The following HINT3 variants were observed in gnomAD, a reference collection of about 807,000 sequenced individuals.
HINT3 encodes the protein adenosine 5'-monophosphoramidase HINT3.
A neutral mutation model predicts 19.1 loss-of-function variants in HINT3; 16 were observed. The observed-to-expected ratio is 0.84, with a 90% CI of 0.57 to 1.27. HINT3 has a LOEUF of 1.27. Ranked by LOEUF, HINT3 falls within the 50% of genes most tolerant of loss-of-function variation. The pLI is 0.00. For synonymous variants in HINT3, 75 were observed against 84.8 expected (o/e 0.88, Z 0.63); for missense variants, 197 against 225.8 (o/e 0.87, Z 0.82).
intron 1 of HINT3, among the ~76,000 whole-genome samples, chr6:125,960,674 A>G (rs1374182179): frequency 6.6e-5 from 8 of 120,892 alleles, no homozygotes; most frequent in African/African-American, 2.2e-4. Context: ...GGAAAAAAAA[A>G]GAAGTTAGGG....
At chr6:125,960,115 A>T (rs1788896608) in intron 1 of HINT3, among the ~76,000 whole-genome samples, 1 of 152,240 alleles carries the variant, frequency 6.6e-6, no homozygotes, top group Non-Finnish European at 1.5e-5. Context: ...GTTATTTACA[A>T]GTAAAAGGTT....
chr6:125,972,467 T>G, intron 3 of HINT3, 139 bp downstream of exon 3: 1 of 532,062 alleles, frequency 1.9e-6, no homozygotes, highest in Non-Finnish European at 3.2e-6. Context: ...ATATAGTTCA[T>G]TGGTAGTATA....
chr6:125,961,144 T>C (rs1365894776), intron 1 of HINT3, among the ~76,000 whole-genome samples: 5 of 152,104 alleles, frequency 3.3e-5, no homozygotes, highest in Non-Finnish European at 7.4e-5. Context: ...ATGGTAGAAA[T>C]AAGACATGAT....
At chr6:125,972,436 G>A (rs1789115458) in intron 3 of HINT3, 108 bp downstream of exon 3, 1 of 640,316 alleles carries the variant, frequency 1.6e-6, no homozygotes, top group Non-Finnish European at 2.6e-6. Flanking sequence ...TGGTTTAAAT[G>A]TAGTTTTCCT....
At chr6:125,973,304 C>G (rs1218562651) in intron 3 of HINT3, among the ~76,000 whole-genome samples, 4 of 152,024 alleles carry the variant, frequency 2.6e-5, no homozygotes, top group Non-Finnish European at 5.9e-5. Context: ...GTCTCGAACT[C>G]CTGACATCAA....
chr6:125,959,876 C>T (rs1788892653), intron 1 of HINT3, among the ~76,000 whole-genome samples: 1 of 152,160 alleles, frequency 6.6e-6, no homozygotes, highest in African/African-American at 2.4e-5. Context: ...CATGGGGATA[C>T]AGCCGTAAAC....
chr6:125,966,108 A>G (rs911058177), intron 1 of HINT3, among the ~76,000 whole-genome samples: 1 of 152,230 alleles, frequency 6.6e-6, no homozygotes, highest in African/African-American at 2.4e-5. Context: ...TCAGTATAAG[A>G]TACTGAATAA....
intron 1 of HINT3, among the ~76,000 whole-genome samples, chr6:125,962,183 TATACAC>T (rs1402722915): frequency 4.3e-5 from 3 of 69,666 alleles, no homozygotes; most frequent in Admixed American, 1.6e-4. Flanking sequence ...TATATATATA[TATACAC>T]ATATATATAT....
In HINT3 at chr6:125,957,322, G is replaced by A; in HGVS notation, c.201+144G>A. 2.2e-6 allele frequency: 2 copies of A among 897,458 alleles called. 1 individual carries two copies. Among genetic ancestry groups the A allele is most frequent in the South Asian group, 3.5e-5 (2 of 57,362 alleles). The allele number at this position is 897,458 out of a possible 1,614,324, so 55.6% of individuals were successfully genotyped here. ...AGAGGCAGGGCCGCTCTGTGTGGAT[G>A]GGGCTCGGGGAAGCTGGGGATACGC... is the stretch of plus-strand genomic sequence containing the variant. On this transcript the variant is annotated intron_variant, in intron 1 of 4. Coordinates refer to ENST00000229633, the MANE Select transcript of HINT3 (RefSeq NM_138571.5).
At chr6:125,975,175 G>T (rs1223615613) in intron 4 of HINT3, among the ~76,000 whole-genome samples, 4 of 152,120 alleles carry the variant, frequency 2.6e-5, no homozygotes, top group African/African-American at 9.7e-5. Context: ...AGAAGCTATG[G>T]CTAAATCTTC....
intron 1 of HINT3, among the ~76,000 whole-genome samples, chr6:125,964,994 T>G (rs1788999107): frequency 6.6e-6 from 1 of 152,220 alleles, no homozygotes; most frequent in Non-Finnish European, 1.5e-5. Context: ...GAATTTTATC[T>G]ATTCCTGGTG....
intron 3 of HINT3, among the ~76,000 whole-genome samples, chr6:125,973,370 C>T (rs1562215111): frequency 6.6e-6 from 1 of 152,050 alleles, no homozygotes; most frequent in Non-Finnish European, 1.5e-5. Context: ...TGAGCCACTG[C>T]GCCGGGCCTT....
At position 125,956,935 on chromosome 6, in the gene HINT3, G is replaced by A. The variant is rs961831126; in HGVS notation, c.-43G>A. On this transcript the variant is annotated 5_prime_UTR_variant, in exon 1 of 5. Transcript: ENST00000229633. ...ACGCGGAGACTGCGCGGGCCCGGTAGCCCTGGAGAGGCCGAGGCTCTAGGC... is the reference window on the plus strand; with the variant it reads ...ACGCGGAGACTGCGCGGGCCCGGTAACCCTGGAGAGGCCGAGGCTCTAGGC... 2.0e-6 allele frequency: 3 copies of A among 1,536,816 alleles called. No homozygotes were observed. The African/African-American group carries it at 4.1e-5, about 21-fold the overall frequency.
At chr6:125,972,435 T>C (rs1307700452) in intron 3 of HINT3, 107 bp downstream of exon 3, 3 of 649,396 alleles carry the variant, frequency 4.6e-6, no homozygotes, top group African/African-American at 1.9e-5. Flanking sequence ...GTGGTTTAAA[T>C]GTAGTTTTCC....
In HINT3 at chr6:125,977,945, T is replaced by A. The variant is rs1789201119; in HGVS notation, c.*269T>A. On this transcript the variant is annotated 3_prime_UTR_variant, in exon 5 of 5. Transcript: ENST00000229633. ...AAAATCCTATTTAAGACAAATTCTG[T>A]TAATCAACAAGGGCTCTGTATTTTT... The A allele has an allele frequency of 7.1e-6, 2 of 280,696 alleles. No individual in the cohort carries two copies. Among genetic ancestry groups the A allele is most frequent in the Non-Finnish European group, 1.3e-5 (2 of 152,652 alleles). The allele number at this position is 280,696 out of a possible 1,614,324, so 17.4% of individuals were successfully genotyped here. A position where few individuals can be genotyped will look rare whatever the true frequency, so the allele number is the denominator to read the frequency against.
rs1326299972 is a variant in HINT3, at chr6:125,979,138, C to G, written c.*1462C>G. 1 of 152,118 alleles carries G rather than the reference C, an allele frequency of 6.6e-6. No individual in the cohort carries two copies. The highest frequency in any genetic ancestry group is 1.5e-5 in the Non-Finnish European group (1 of 68,020). 9.4% of individuals were successfully genotyped at this position (152,118 alleles called of 1,614,324 possible). ...GTGACTGGTTAGGCTGAGAAACTTA[C>G]AAGTATTTTCGTTGAGTTCTGCTTC... On this transcript the variant is annotated 3_prime_UTR_variant, in exon 5 of 5. Coordinates refer to ENST00000229633, the MANE Select transcript of HINT3 (RefSeq NM_138571.5).
intron 3 of HINT3, among the ~76,000 whole-genome samples, chr6:125,972,621 A>G (rs1053805091): frequency 6.6e-6 from 1 of 152,184 alleles, no homozygotes; most frequent in African/African-American, 2.4e-5. Context: ...ATAGGATCTC[A>G]CTGTGTTGCC....
chr6:125,961,861 A>G (rs1299657434), intron 1 of HINT3, among the ~76,000 whole-genome samples: 1 of 152,040 alleles, frequency 6.6e-6, no homozygotes, highest in African/African-American at 2.4e-5. Flanking sequence ...AAACCCAGCA[A>G]GGCCTGTCCA....
At chr6:125,971,071 A>T (rs1789090408) in intron 2 of HINT3, among the ~76,000 whole-genome samples, 1 of 152,204 alleles carries the variant, frequency 6.6e-6, no homozygotes, top group African/African-American at 2.4e-5. Context: ...CACCATTTAG[A>T]AACTATGGAG....
Sources: gnomAD v4.1 joint callset for allele counts (sites outside exome capture counted in the v4.1 genomes callset) on GRCh38, gnomAD v4.1.1 for gene constraint, MANE v1.5 for transcripts, NCBI Gene and HGNC (gene_info 2026-07-23, HGNC 2026-07-21) for gene names.